Variants in BTRC observed in about 807,000 individuals in gnomAD.
The protein encoded by BTRC is beta-transducin repeat containing E3 ubiquitin protein ligase.
In BTRC, 42 loss-of-function variants were observed where a neutral mutation model predicts 85.5. That is an observed-to-expected ratio of 0.49 (90% CI 0.38 to 0.64). The LOEUF (loss-of-function observed/expected upper bound fraction) is 0.64, where lower values mean the gene tolerates loss of function less well. Ranked by LOEUF, BTRC falls within the 30% of genes least tolerant of loss-of-function variation. The pLI is 0.00. For synonymous variants in BTRC, 255 were observed against 263.3 expected (o/e 0.97, Z 0.30); for missense variants, 594 against 743.5 (o/e 0.80, Z 2.34).
intron 2 of BTRC, among the ~76,000 whole-genome samples, chr10:101,440,866 G>A (rs1944661911): frequency 1.3e-5 from 2 of 152,200 alleles, no homozygotes; most frequent in Non-Finnish European, 2.9e-5. Context: ...TAGAAAGAGA[G>A]AAGATAATAC....
At chr10:101,359,652 GTGCAAT>G in intron 1 of BTRC, among the ~76,000 whole-genome samples, 1 of 150,786 alleles carries the variant, frequency 6.6e-6, no homozygotes, top group Non-Finnish European at 1.5e-5. Flanking sequence ...CCAGGCTGGA[GTGCAAT>G]GGTGCAAACT....
chr10:101,384,542 A>G (rs1333246982), intron 1 of BTRC, among the ~76,000 whole-genome samples: 1 of 152,184 alleles, frequency 6.6e-6, no homozygotes. Flanking sequence ...GTGTTTTTTT[A>G]AAGTGTGTAT....
intron 1 of BTRC, among the ~76,000 whole-genome samples, chr10:101,413,685 C>A (rs1172497612): frequency 6.6e-6 from 1 of 152,034 alleles, no homozygotes; most frequent in Non-Finnish European, 1.5e-5. Flanking sequence ...GAAAAAAAAA[C>A]TTTATATTAA....
intron 4 of BTRC, among the ~76,000 whole-genome samples, chr10:101,498,642 G>T (rs1359831312): frequency 6.6e-6 from 1 of 152,130 alleles, no homozygotes; most frequent in Non-Finnish European, 1.5e-5. Flanking sequence ...TTAAAGTTTA[G>T]TGGGCACGTC....
At chr10:101,477,133 C>G (rs1012693917) in intron 3 of BTRC, among the ~76,000 whole-genome samples, 1 of 152,036 alleles carries the variant, frequency 6.6e-6, no homozygotes, top group Non-Finnish European at 1.5e-5. Flanking sequence ...TGCACCACCA[C>G]GCCTGGCTAA....
rs537499108 is a variant in BTRC, at chr10:101,379,405, G to C, written c.48+25177G>C. ...AAAATATAATCTTTTGAAAGCATTCGTGTTAAAAAGAATTAGACGTGATTT... is the reference window on the plus strand; with the variant it reads ...AAAATATAATCTTTTGAAAGCATTCCTGTTAAAAAGAATTAGACGTGATTT... On this transcript the variant is annotated intron_variant, in intron 1 of 14. Coordinates refer to ENST00000370187, the MANE Select transcript of BTRC (RefSeq NM_033637.4). Among the ~76,000 whole-genome samples the C allele has an allele frequency of 4.6e-5, 7 of 152,152 alleles. No individual in the cohort carries two copies. The East Asian group carries it at 1.3e-3, about 29-fold the overall frequency.
At chr10:101,380,199 T>C (rs1942893483) in intron 1 of BTRC, among the ~76,000 whole-genome samples, 1 of 152,200 alleles carries the variant, frequency 6.6e-6, no homozygotes. Context: ...CTTAACCTCC[T>C]TGAGTCTCAC....
At chr10:101,424,027 C>T (rs1024510431) in intron 1 of BTRC, among the ~76,000 whole-genome samples, 8 of 152,154 alleles carry the variant, frequency 5.3e-5, no homozygotes, top group African/African-American at 1.2e-4. Context: ...TTCAGGAGTT[C>T]GAGACCAGCC....
At chr10:101,403,086 A>C (rs867171746) in intron 1 of BTRC, among the ~76,000 whole-genome samples, 1 of 152,228 alleles carries the variant, frequency 6.6e-6, no homozygotes, top group African/African-American at 2.4e-5. Flanking sequence ...TCATTTTTAA[A>C]GACTTAAATT....
chr10:101,518,760 C>G (rs980384180), intron 4 of BTRC, among the ~76,000 whole-genome samples: 1 of 152,176 alleles, frequency 6.6e-6, no homozygotes, highest in Non-Finnish European at 1.5e-5. Flanking sequence ...ATTTCCATTG[C>G]CTAGACCATT....
intron 3 of BTRC, among the ~76,000 whole-genome samples, chr10:101,475,940 TATATATATATATA>T (rs1564795629): frequency 7.8e-6 from 1 of 128,038 alleles, no homozygotes; most frequent in African/African-American, 2.8e-5. Context: ...TATATATATA[TATATATATATATA>T]TTCAGTAATT....
intron 1 of BTRC, among the ~76,000 whole-genome samples, chr10:101,421,617 T>TC (rs1392302927): frequency 1.2e-3 from 74 of 63,424 alleles, no homozygotes; most frequent in African/African-American, 4.5e-3. Flanking sequence ...CCCTCCCCCC[T>TC]CCCCCCTCCC....
intron 8 of BTRC, among the ~76,000 whole-genome samples, chr10:101,532,655 C>T (rs570830260): frequency 6.6e-6 from 1 of 152,146 alleles, no homozygotes; most frequent in East Asian, 1.9e-4. Flanking sequence ...TTGAAATGCA[C>T]TGAATGGGCT....
intron 7 of BTRC, among the ~76,000 whole-genome samples, chr10:101,531,645 T>TGGGAGGCACATGTTGCA (rs1392761117): frequency 6.6e-6 from 1 of 151,956 alleles, no homozygotes; most frequent in African/African-American, 2.4e-5. Flanking sequence ...CACTTGAACC[T>TGGGAGGCACATGTTGCA]GGGAGGCACA....
intron 2 of BTRC, among the ~76,000 whole-genome samples, chr10:101,460,403 T>C (rs185710093): frequency 6.6e-6 from 1 of 152,356 alleles, no homozygotes; most frequent in East Asian, 1.9e-4. Context: ...ATGATCTCCA[T>C]TCCTTTTTTT....
intron 1 of BTRC, among the ~76,000 whole-genome samples, chr10:101,388,261 A>C (rs532646970): frequency 1.3e-5 from 2 of 152,194 alleles, no homozygotes; most frequent in Non-Finnish European, 2.9e-5. Context: ...TCCTGGGCTC[A>C]AGTGATCCTC....
At chr10:101,413,235 C>T (rs892920788) in intron 1 of BTRC, among the ~76,000 whole-genome samples, 59 of 152,300 alleles carry the variant, frequency 3.9e-4, no homozygotes, top group African/African-American at 1.3e-3. Context: ...CCTCTGCCTC[C>T]TGTGTTCAGG....
chr10:101,394,172 AAAG>A (rs1014591272), intron 1 of BTRC, among the ~76,000 whole-genome samples: 1 of 152,182 alleles, frequency 6.6e-6, no homozygotes, highest in Non-Finnish European at 1.5e-5. Context: ...TTTTTTTATG[AAAG>A]AAGGGGACTC....
At chr10:101,378,518 T>C (rs1363517952) in intron 1 of BTRC, among the ~76,000 whole-genome samples, 1 of 133,112 alleles carries the variant, frequency 7.5e-6, no homozygotes, top group African/African-American at 2.6e-5. Context: ...CTCCCAATTA[T>C]AATTTTTTTT....
Sources: allele counts gnomAD v4.1 joint callset (sites outside exome capture counted in the v4.1 genomes callset), GRCh38; gene constraint gnomAD v4.1.1; transcripts MANE v1.5; gene names NCBI Gene and HGNC (gene_info 2026-07-23, HGNC 2026-07-21).